ELAPOR2: variants seen among roughly 807,000 people sequenced by gnomAD.
ELAPOR2 encodes the protein endosome-lysosome associated apoptosis and autophagy regulator family member 2, also known as endosome/lysosome-associated apoptosis and autophagy regulator family member 2.
In ELAPOR2, 89 loss-of-function variants were observed where a neutral mutation model predicts 120.7. The ratio of observed to expected loss-of-function variants is 0.74; its 90% confidence interval spans 0.62 to 0.88. The LOEUF (loss-of-function observed/expected upper bound fraction) is 0.88. ELAPOR2 is among the 40% of genes least tolerant of loss of function. The pLI, the probability that ELAPOR2 is intolerant of heterozygous loss-of-function variation, is 0.00. For missense variants in ELAPOR2, 1,134 were observed against 1,251.6 expected, an observed-to-expected ratio of 0.91 and a Z score of 1.42; for synonymous variants, 444 against 444.9, an observed-to-expected ratio of 1.00 and a Z score of 0.03.
chr7:86,920,188 G>A (rs979313679), intron 10 of ELAPOR2, among the ~76,000 whole-genome samples: 7 of 152,280 alleles, frequency 4.6e-5, no homozygotes, highest in African/African-American at 1.7e-4. Context: ...GAGATGATAT[G>A]TTGACTATAC....
intron 10 of ELAPOR2, chr7:86,919,645 A>C: frequency 5.9e-6 from 1 of 170,412 alleles, no homozygotes. Flanking sequence ...CAGGCAACCA[A>C]TGTGCAATAG....
intron 1 of ELAPOR2, among the ~76,000 whole-genome samples, chr7:86,968,247 A>T (rs752463578): frequency 6.6e-6 from 1 of 152,212 alleles, no homozygotes; most frequent in Non-Finnish European, 1.5e-5. Context: ...AACATTGAGC[A>T]CTTAAAACTG....
At chr7:87,041,634 C>T (rs967271107) in intron 1 of ELAPOR2, among the ~76,000 whole-genome samples, 1 of 152,026 alleles carries the variant, frequency 6.6e-6, no homozygotes, top group Non-Finnish European at 1.5e-5. Context: ...AAAGGAACAA[C>T]TGGTACCAGC....
At chr7:86,948,324 T>C (rs1488633617) in intron 2 of ELAPOR2, among the ~76,000 whole-genome samples, 2 of 152,226 alleles carry the variant, frequency 1.3e-5, no homozygotes, top group Admixed American at 6.5e-5. Flanking sequence ...CCTCCCTTTA[T>C]GGTCCTACAG....
chr7:86,954,363 C>T (rs1297859371), intron 2 of ELAPOR2, among the ~76,000 whole-genome samples: 1 of 152,178 alleles, frequency 6.6e-6, no homozygotes, highest in Non-Finnish European at 1.5e-5. Context: ...CACAAGGCCA[C>T]ATAGTTTTGC....
intron 5 of ELAPOR2, among the ~76,000 whole-genome samples, 187 bp downstream of exon 5, chr7:86,941,831 A>G (rs918325002): frequency 6.6e-6 from 1 of 152,030 alleles, no homozygotes; most frequent in Non-Finnish European, 1.5e-5. Context: ...GAGTCCATGA[A>G]GCTAGGGGTA....
At chr7:86,908,217 C>T (rs889182817) in intron 17 of ELAPOR2, among the ~76,000 whole-genome samples, 14 of 150,892 alleles carry the variant, frequency 9.3e-5, no homozygotes, top group South Asian at 4.2e-4. Flanking sequence ...CAAAATATTC[C>T]ATGTTTCCTA....
intron 5 of ELAPOR2, among the ~76,000 whole-genome samples, chr7:86,940,631 T>C (rs1251839294): frequency 2.6e-5 from 4 of 152,052 alleles, no homozygotes; most frequent in Admixed American, 2.6e-4. Context: ...CTCTAGAACA[T>C]TAATAATACT....
rs200548596 is a variant in ELAPOR2, at chr7:86,897,500, C to T, written c.2685+6G>A. Reference sequence around the variant, plus strand: ...CGAAGCTCTGCCTTGAGAGTTTATCCCTTACCTGAAATCCTCTCTTGCAGG... The same window carrying T: ...CGAAGCTCTGCCTTGAGAGTTTATCTCTTACCTGAAATCCTCTCTTGCAGG... On this transcript the variant is annotated splice_donor_region_variant and intron_variant, in intron 19 of 21. Transcript: ENST00000450689. 6.2e-7 allele frequency: 1 copy of T among 1,611,570 alleles called. No homozygotes were observed. The highest frequency in any genetic ancestry group is 1.3e-5 in the African/African-American group (1 of 74,850).
rs1004868468 is a variant in ELAPOR2, at chr7:86,944,794, A to AC, written c.654+104_654+105insG. On this transcript the variant is annotated intron_variant, in intron 4 of 21. Coordinates refer to ENST00000450689, the MANE Select transcript of ELAPOR2 (RefSeq NM_001142749.3). Reference sequence around the variant, plus strand: ...AAAGGTTCAGTTAACACACACACACAAAAAAAAAACTGAGGAGGAATAAAG... The same window carrying AC: ...AAAGGTTCAGTTAACACACACACACACAAAAAAAAACTGAGGAGGAATAAAG... The AC allele has an allele frequency of 2.2e-4, 171 of 761,546 alleles. No homozygotes were observed. In the African/African-American group the frequency reaches 2.5e-3, roughly 11 times the overall value. The allele number at this position is 761,546 out of a possible 1,614,324, so 47.2% of individuals were successfully genotyped here. A position where few individuals can be genotyped will look rare whatever the true frequency, so the allele number is the denominator to read the frequency against.
intron 1 of ELAPOR2, among the ~76,000 whole-genome samples, chr7:86,980,852 G>A (rs1034959793): frequency 6.6e-6 from 1 of 151,892 alleles, no homozygotes; most frequent in Non-Finnish European, 1.5e-5. Flanking sequence ...AATGATTAAC[G>A]TTTCCCCCAT....
At chr7:86,979,353 G>A (rs1037098283) in intron 1 of ELAPOR2, among the ~76,000 whole-genome samples, 3 of 152,266 alleles carry the variant, frequency 2.0e-5, no homozygotes, top group Non-Finnish European at 4.4e-5. Context: ...ACTCCTAAGA[G>A]ACATAGTTTA....
chr7:86,881,608 G>A (rs558752971), intron 21 of ELAPOR2, among the ~76,000 whole-genome samples: 4 of 151,950 alleles, frequency 2.6e-5, no homozygotes, highest in Admixed American at 2.0e-4. Flanking sequence ...CGCCCACCTC[G>A]GCCTCCCAAA....
intron 6 of ELAPOR2, 141 bp from the exon 7 acceptor site, chr7:86,939,101 G>A (rs1790694163): frequency 2.5e-6 from 2 of 815,056 alleles, no homozygotes; most frequent in Non-Finnish European, 3.8e-6. Flanking sequence ...TATTCATCCA[G>A]CACTAAGAAA....
chr7:86,995,573 A>G (rs1562960718), intron 1 of ELAPOR2, among the ~76,000 whole-genome samples: 2 of 152,224 alleles, frequency 1.3e-5, no homozygotes, highest in Non-Finnish European at 2.9e-5. Context: ...TGATGCAATA[A>G]CAACGTAAGA....
intron 1 of ELAPOR2, among the ~76,000 whole-genome samples, chr7:87,022,850 T>A (rs1794103954): frequency 6.6e-6 from 1 of 152,048 alleles, no homozygotes; most frequent in African/African-American, 2.4e-5. Context: ...CATTTTTTCA[T>A]GTGTTTTTTG....
At position 86,912,133 on chromosome 7, in the gene ELAPOR2, C is replaced by A. The variant is rs1789341912; in HGVS notation, c.2108G>T (p.Ser703Ile). The A allele has an allele frequency of 6.2e-7, 1 of 1,612,892 alleles. No individual in the cohort carries two copies. Among genetic ancestry groups the A allele is most frequent in the South Asian group, 1.1e-5 (1 of 91,028 alleles). The part of the protein sequence containing the change: ...SSVGSLMNGP[S>I]FTSKGTKYFH... ...GTATTTTGTTCCTTTGGAGGTGAAG[C>A]TGGGGCCATTCATTAATGAGCCCAC... is the stretch of plus-strand genomic sequence containing the variant. The change falls in exon 15 of 22, where the codon AGC becomes ATC. Residue 703 changes from serine to isoleucine, a missense_variant. Transcript: ENST00000450689.
intron 1 of ELAPOR2, among the ~76,000 whole-genome samples, chr7:87,041,733 C>T (rs769501278): frequency 2.0e-4 from 30 of 150,708 alleles, no homozygotes; most frequent in Non-Finnish European, 4.0e-4. Flanking sequence ...CTAACATCAT[C>T]ATGACAGGAT....
intron 12 of ELAPOR2, among the ~76,000 whole-genome samples, chr7:86,915,108 T>C (rs1789506928): frequency 6.6e-6 from 1 of 152,120 alleles, no homozygotes; most frequent in Non-Finnish European, 1.5e-5. Context: ...AATCATAATA[T>C]GTTTAAGGGT....
Sources: gnomAD v4.1 joint callset for allele counts (sites outside exome capture counted in the v4.1 genomes callset) on GRCh38, gnomAD v4.1.1 for gene constraint, MANE v1.5 for transcripts, NCBI Gene and HGNC (gene_info 2026-07-23, HGNC 2026-07-21) for gene names.